Variants in CAMTA1 observed in about 807,000 individuals in gnomAD.
CAMTA1 encodes the protein calmodulin binding transcription activator 1, also known as calmodulin-binding transcription activator 1.
CAMTA1 carries 27 observed loss-of-function variants against 170.9 expected under a neutral mutation model. The ratio of observed to expected loss-of-function variants is 0.16; its 90% confidence interval spans 0.12 to 0.22. The LOEUF (loss-of-function observed/expected upper bound fraction) is 0.22. CAMTA1 is among the 10% of genes least tolerant of loss of function. The probability of loss-of-function intolerance (pLI) is 1.00; values close to 1 mark genes in which losing one functional copy is unlikely to be tolerated. For missense variants in CAMTA1, 1,619 were observed against 2,217.2 expected, an observed-to-expected ratio of 0.73 and a Z score of 5.42; for synonymous variants, 833 against 891.5, an observed-to-expected ratio of 0.93 and a Z score of 1.17.
chr1:7,267,222 C>A (rs1480656405), intron 5 of CAMTA1, among the ~76,000 whole-genome samples: 2 of 152,068 alleles, frequency 1.3e-5, no homozygotes, highest in African/African-American at 4.8e-5. Flanking sequence ...AGTAGAGTTA[C>A]CTTTATGGCT....
chr1:7,080,395 C>T (rs908112605), intron 3 of CAMTA1, among the ~76,000 whole-genome samples: 24 of 152,166 alleles, frequency 1.6e-4, no homozygotes, highest in Non-Finnish European at 4.4e-5. Context: ...ATAAAGACCT[C>T]AATACGGCAA....
At chr1:6,938,070 AAGCCAGGACTTGG>A (rs1392089378) in intron 3 of CAMTA1, among the ~76,000 whole-genome samples, 3 of 152,232 alleles carry the variant, frequency 2.0e-5, no homozygotes, top group Non-Finnish European at 4.4e-5. Flanking sequence ...CTAGGACTTG[AAGCCAGGACTTGG>A]AGTCCACTCT....
At chr1:7,153,238 G>T (rs896624164) in intron 4 of CAMTA1, among the ~76,000 whole-genome samples, 1 of 152,180 alleles carries the variant, frequency 6.6e-6, no homozygotes, top group Non-Finnish European at 1.5e-5. Flanking sequence ...GAAAGACAGA[G>T]TCCCTACTAC....
rs796216680 is a variant in CAMTA1, at chr1:7,609,151, C to T, written c.511-31249C>T. Among the ~76,000 whole-genome samples the T allele has an allele frequency of 9.2e-5, 14 of 152,294 alleles. 1 individual carries two copies. Among genetic ancestry groups the T allele is most frequent in the African/African-American group, 3.4e-4 (14 of 41,576 alleles). On this transcript the variant is annotated intron_variant, in intron 6 of 22. Coordinates refer to ENST00000303635, the MANE Select transcript of CAMTA1 (RefSeq NM_015215.4). The surrounding 1 kb of genome is among the most constrained non-coding windows in gnomAD (Gnocchi z 4.4). ...CCTTCCCACTACCGGCCTAGCCCTGCCGCCTGTGCCTTGCCTCCTGGCCTC... is the reference window on the plus strand; with the variant it reads ...CCTTCCCACTACCGGCCTAGCCCTGTCGCCTGTGCCTTGCCTCCTGGCCTC...
At chr1:7,703,304 CG>C (rs2096462616) in intron 11 of CAMTA1, among the ~76,000 whole-genome samples, 1 of 149,172 alleles carries the variant, frequency 6.7e-6, no homozygotes, top group African/African-American at 2.5e-5. Flanking sequence ...CGTGGTGACC[CG>C]GGGGGCGGGC....
At chr1:6,916,469 T>G (rs1342097027) in intron 3 of CAMTA1, among the ~76,000 whole-genome samples, 1 of 152,226 alleles carries the variant, frequency 6.6e-6, no homozygotes, top group Admixed American at 6.5e-5. Flanking sequence ...TTACGGCAGC[T>G]TGACTTACAG....
chr1:7,063,624 G>C lies in CAMTA1; in HGVS notation c.235-27680G>C, dbSNP rs974025978. Among the ~76,000 whole-genome samples the C allele has an allele frequency of 3.9e-5, 6 of 152,182 alleles. No individual in the cohort carries two copies. The highest frequency in any genetic ancestry group is 1.4e-4 in the African/African-American group (6 of 41,444). On this transcript the variant is annotated intron_variant, in intron 3 of 22. Transcript: ENST00000303635. This position sits in a 1 kb window ranked among gnomAD's most constrained non-coding sequence, Gnocchi z 4.3. ...TGCTTTTGGTCTTAAAGCTATTTTA[G>C]ATCTGAAATACCTTCCCTGGACCTA...
intron 3 of CAMTA1, among the ~76,000 whole-genome samples, chr1:7,037,016 A>G (rs1428237705): frequency 2.0e-5 from 3 of 152,210 alleles, no homozygotes; most frequent in Non-Finnish European, 4.4e-5. Flanking sequence ...TTATAATGGG[A>G]TCATTTATAA....
intron 4 of CAMTA1, among the ~76,000 whole-genome samples, chr1:7,153,076 G>A (rs985432574): frequency 1.3e-5 from 2 of 152,224 alleles, no homozygotes; most frequent in Admixed American, 1.3e-4. Context: ...GGTGGGATGC[G>A]AGGATATTGA....
intron 3 of CAMTA1, among the ~76,000 whole-genome samples, chr1:6,879,338 G>T (rs1425543203): frequency 2.0e-5 from 3 of 152,132 alleles, no homozygotes; most frequent in Non-Finnish European, 4.4e-5. Flanking sequence ...ATTACTTTCT[G>T]GCTTGGGGAA....
chr1:7,324,636 C>G (rs1679002513), intron 5 of CAMTA1, among the ~76,000 whole-genome samples: 1 of 151,830 alleles, frequency 6.6e-6, no homozygotes, highest in Admixed American at 6.6e-5. Flanking sequence ...GGTGAAACCC[C>G]ATCTCTACTA....
At chr1:6,895,641 A>G (rs1047370573) in intron 3 of CAMTA1, among the ~76,000 whole-genome samples, 1 of 152,166 alleles carries the variant, frequency 6.6e-6, no homozygotes, top group African/African-American at 2.4e-5. Flanking sequence ...CACCCTTCCC[A>G]TACGGGGAAT....
At chr1:7,369,545 T>G (rs7528931) in intron 5 of CAMTA1, among the ~76,000 whole-genome samples, 37,133 of 151,694 alleles carry the variant, frequency 0.24, 5,471 homozygotes, top group East Asian at 0.55. Context: ...ACACATGGGG[T>G]AGGGTGCAGA....
At chr1:7,209,568 C>T (rs952859080) in intron 4 of CAMTA1, among the ~76,000 whole-genome samples, 3 of 152,162 alleles carry the variant, frequency 2.0e-5, no homozygotes, top group Admixed American at 6.5e-5. Context: ...CTGTCAGCAA[C>T]AATCTGTTGG....
At chr1:7,294,984 A>C (rs1023970527) in intron 5 of CAMTA1, among the ~76,000 whole-genome samples, 2 of 152,176 alleles carry the variant, frequency 1.3e-5, no homozygotes, top group Non-Finnish European at 2.9e-5. Context: ...CTCCTTGTCT[A>C]TGCTGGCAGA....
intron 3 of CAMTA1, among the ~76,000 whole-genome samples, chr1:7,089,367 C>T (rs996664512): frequency 1.3e-5 from 2 of 152,168 alleles, no homozygotes; most frequent in Non-Finnish European, 2.9e-5. Context: ...ATTTTGCCTT[C>T]CTACAGTGAC....
intron 4 of CAMTA1, among the ~76,000 whole-genome samples, chr1:7,117,095 C>G (rs1462238953): frequency 1.3e-5 from 2 of 152,050 alleles, no homozygotes; most frequent in East Asian, 3.9e-4. Flanking sequence ...CTCAGCCTCC[C>G]AAGTAGCTGG....
chr1:7,560,883 G>A (rs184071802), intron 6 of CAMTA1, among the ~76,000 whole-genome samples: 245 of 152,280 alleles, frequency 1.6e-3, no homozygotes, highest in African/African-American at 5.7e-3. Context: ...CAGGGCTGGA[G>A]GTGACAGGAA....
chr1:7,459,739 C>T (rs1322537706), intron 5 of CAMTA1, among the ~76,000 whole-genome samples: 3 of 152,202 alleles, frequency 2.0e-5, no homozygotes, highest in African/African-American at 7.2e-5. Context: ...GTGCTGTCAC[C>T]CCAAATCTGG....
Sources: allele counts gnomAD v4.1 joint callset (sites outside exome capture counted in the v4.1 genomes callset), GRCh38; gene constraint gnomAD v4.1.1; non-coding constraint Gnocchi (gnomAD v3.1); transcripts MANE v1.5; gene names NCBI Gene and HGNC (gene_info 2026-07-23, HGNC 2026-07-21).